FRK: variants seen among roughly 807,000 people sequenced by gnomAD.
The protein encoded by FRK is tyrosine-protein kinase FRK.
In FRK, 51 loss-of-function variants were observed where a neutral mutation model predicts 56.4. The ratio of observed to expected loss-of-function variants is 0.90; its 90% CI spans 0.72 to 1.14. The LOEUF (loss-of-function observed/expected upper bound fraction) is 1.14. Among genes scored for constraint, FRK ranks in the 50% most tolerant of loss-of-function variants. The probability of loss-of-function intolerance (pLI) is 0.00; values close to 1 mark genes in which losing one functional copy is unlikely to be tolerated. For synonymous variants in FRK, 245 were observed against 217.9 expected (o/e 1.12, Z -1.10); for missense variants, 570 against 601.4 (o/e 0.95, Z 0.55).
At chr6:116,042,368 T>A (rs1034972723) in intron 1 of FRK, among the ~76,000 whole-genome samples, 2 of 152,168 alleles carry the variant, frequency 1.3e-5, no homozygotes, top group Non-Finnish European at 2.9e-5. Context: ...GGAGGCCCAC[T>A]AGACTAGCAG....
chr6:116,060,132 G>T lies in FRK; in HGVS notation c.180C>A (p.Asp60Glu), dbSNP rs762903671. 1 of 1,614,156 alleles carries T rather than the reference G, an allele frequency of 6.2e-7. No individual in the cohort carries two copies. The highest frequency in any genetic ancestry group is 8.5e-7 in the Non-Finnish European group (1 of 1,180,040). Residue 60 changes from aspartate to glutamate, a missense_variant, in exon 1 of 8, where the codon GAC becomes GAA. Physicochemically the swap from Asp to Glu is conservative, Grantham distance 45. Transcript: ENST00000606080. ...LFDYQARTAE[D>E]LSFRAGDKLQ... ...GTTTGTCACCTGCTCGGAAGCTCAA[G>T]TCCTCAGCAGTCCGAGCCTGGTAAT...
chr6:116,008,962 A>T (rs1775361271), intron 1 of FRK, among the ~76,000 whole-genome samples: 2 of 152,378 alleles, frequency 1.3e-5, no homozygotes, highest in Non-Finnish European at 2.9e-5. Flanking sequence ...TTAATTGAGC[A>T]AAGAATGATT....
At chr6:116,023,086 A>G (rs1206446008) in intron 1 of FRK, among the ~76,000 whole-genome samples, 1 of 152,234 alleles carries the variant, frequency 6.6e-6, no homozygotes, top group South Asian at 2.1e-4. Context: ...AAGGAAATGC[A>G]AATTAAAACC....
intron 1 of FRK, among the ~76,000 whole-genome samples, chr6:116,034,818 GT>G (rs1425659900): frequency 6.6e-6 from 1 of 152,010 alleles, no homozygotes; most frequent in Non-Finnish European, 1.5e-5. Context: ...TTATAATTAT[GT>G]TTGTTCATTA....
In FRK at chr6:115,988,228, A is replaced by G. The variant is rs556844881; in HGVS notation, c.466+15649T>C. 2.4e-4 allele frequency among the ~76,000 whole-genome samples: 36 copies of G among 152,266 alleles called. No homozygotes were observed. In the East Asian group the frequency reaches 6.5e-3, roughly 28 times the overall value. On this transcript the variant is annotated intron_variant, in intron 2 of 7. Transcript: ENST00000606080. ...TAGTTATAAAGCAGCTAATGTGCAT[A>G]TATCATTTTAGATACATGGTTTAAA...
the FRK span, among the ~76,000 whole-genome samples, chr6:116,085,004 A>G: frequency 6.6e-6 from 1 of 152,124 alleles, no homozygotes; most frequent in African/African-American, 2.4e-5. Flanking sequence ...TGAGAACATG[A>G]GTGGGAAAGA....
At chr6:116,008,608 G>A (rs185990970) in intron 1 of FRK, among the ~76,000 whole-genome samples, 11 of 152,314 alleles carry the variant, frequency 7.2e-5, no homozygotes, top group African/African-American at 1.9e-4. Flanking sequence ...CCCTTTGCAT[G>A]TGTGAAAACT....
rs969622866 is a variant in FRK, at chr6:115,937,576, C to A, written c.*4838G>T. ...CCATCAGTGTGCTGTATTCAGGAGA[C>A]CCATCTCACATGCAAAGAGACACAC... On this transcript the variant is annotated 3_prime_UTR_variant, in exon 8 of 8. Coordinates refer to ENST00000606080, the MANE Select transcript of FRK (RefSeq NM_002031.3). The A allele has an allele frequency of 6.6e-6, 1 of 152,022 alleles. No homozygotes were observed. Among genetic ancestry groups the A allele is most frequent in the African/African-American group, 2.4e-5 (1 of 41,360 alleles). The allele number at this position is 152,022 out of a possible 1,614,324, so 9.4% of individuals were successfully genotyped here.
chr6:115,954,509 T>C (rs1772911149), intron 5 of FRK, among the ~76,000 whole-genome samples: 1 of 152,172 alleles, frequency 6.6e-6, no homozygotes, highest in African/African-American at 2.4e-5. Flanking sequence ...GAGATTTTGC[T>C]AGCAGGTTAG....
chr6:115,993,660 A>G (rs562915641), intron 2 of FRK, among the ~76,000 whole-genome samples: 109 of 152,160 alleles, frequency 7.2e-4, no homozygotes, highest in African/African-American at 2.6e-3. Flanking sequence ...AAATGTAAGC[A>G]TGCTTTCTTG....
chr6:116,032,457 T>C (rs907215524), intron 1 of FRK, among the ~76,000 whole-genome samples: 1 of 151,874 alleles, frequency 6.6e-6, no homozygotes, highest in Non-Finnish European at 1.5e-5. Context: ...AGAATAAGTA[T>C]AGAGAAAAAA....
chr6:116,051,469 T>C (rs1318293879), intron 1 of FRK, among the ~76,000 whole-genome samples: 1 of 152,176 alleles, frequency 6.6e-6, no homozygotes, highest in Non-Finnish European at 1.5e-5. Context: ...GGACAGTCTA[T>C]GACAGTATCT....
At chr6:116,066,421 T>TTATA in the FRK span, among the ~76,000 whole-genome samples, 4 of 151,190 alleles carry the variant, frequency 2.6e-5, no homozygotes, top group East Asian at 1.9e-4. Context: ...AAACTCCCCT[T>TTATA]TATATATATA....
intron 5 of FRK, among the ~76,000 whole-genome samples, chr6:115,955,469 T>C (rs767018882): frequency 6.6e-6 from 1 of 152,174 alleles, no homozygotes; most frequent in Non-Finnish European, 1.5e-5. Context: ...AATAGCTGAG[T>C]TTAATCTTTC....
intron 1 of FRK, chr6:116,039,021 C>A (rs1776605802): frequency 1.4e-6 from 1 of 740,228 alleles, no homozygotes; most frequent in Non-Finnish European, 2.5e-6. Flanking sequence ...CAAAGCCAAT[C>A]GAGGGTCCTG....
chr6:116,019,520 A>C (rs993121199), intron 1 of FRK, among the ~76,000 whole-genome samples: 2 of 152,224 alleles, frequency 1.3e-5, no homozygotes, highest in African/African-American at 4.8e-5. Context: ...CATGTAAAGA[A>C]TAACATTTGG....
intron 1 of FRK, chr6:116,039,577 A>G: frequency 1.2e-6 from 1 of 817,106 alleles, no homozygotes; most frequent in Non-Finnish European, 2.2e-6. Context: ...TCCCCTGCAC[A>G]TGTTTCTGAT....
chr6:116,009,844 T>A (rs927235176), intron 1 of FRK, among the ~76,000 whole-genome samples: 2 of 152,160 alleles, frequency 1.3e-5, no homozygotes, highest in African/African-American at 4.8e-5. Context: ...CAGGACATTG[T>A]TGTATAAAAT....
At chr6:116,030,568 A>G (rs1229626592) in intron 1 of FRK, among the ~76,000 whole-genome samples, 1 of 152,080 alleles carries the variant, frequency 6.6e-6, no homozygotes, top group Non-Finnish European at 1.5e-5. Context: ...GAAGAGCTGG[A>G]GATCTAATAA....
Sources: allele counts gnomAD v4.1 joint callset (sites outside exome capture counted in the v4.1 genomes callset), GRCh38; gene constraint gnomAD v4.1.1; transcripts MANE v1.5; gene names NCBI Gene and HGNC (gene_info 2026-07-23, HGNC 2026-07-21).